The following OR7A17 variants were observed in gnomAD, a reference collection of about 807,000 sequenced individuals.
The protein encoded by OR7A17 is olfactory receptor 7A17.
For missense variants in OR7A17, 366 were observed against 365.5 expected (o/e 1.00, Z -0.01); for synonymous variants, 159 against 142.1 (o/e 1.12, Z -0.85).
At chr19:14,883,404 C>T (rs1400090034) in intron 1 of OR7A17, among the ~76,000 whole-genome samples, 1 of 151,594 alleles carries the variant, frequency 6.6e-6, no homozygotes, top group Non-Finnish European at 1.5e-5. Flanking sequence ...TGTGCCATTG[C>T]ACTCCAGCCT....
At chr19:14,883,180 C>G (rs2045120502) in intron 1 of OR7A17, among the ~76,000 whole-genome samples, 1 of 152,206 alleles carries the variant, frequency 6.6e-6, no homozygotes, top group Non-Finnish European at 1.5e-5. Flanking sequence ...TGGCTCACGC[C>G]TCTAATTCCA....
chr19:14,880,534 G>C lies in OR7A17; in HGVS notation c.822C>G (p.Ala274=). ...ATHNSHTSAT[A]SVMYTVATPM... ...GGGTGGCCACAGTGTACATCACTGA[G>C]GCTGTTGCACTTGTGTGTGAGTTGT... is the stretch of plus-strand genomic sequence containing the variant. Residue 274 remains alanine, a synonymous_variant, in exon 3 of 3, where the codon GCC becomes GCG. Coordinates refer to ENST00000641113, the MANE Select transcript of OR7A17 (RefSeq NM_030901.2). 2.5e-6 allele frequency: 4 copies of C among 1,614,174 alleles called. No homozygotes were observed. The highest frequency in any genetic ancestry group is 3.4e-6 in the Non-Finnish European group (4 of 1,180,028).
chr19:14,881,772 A>G lies in OR7A17; in HGVS notation c.-197+2T>C, dbSNP rs2045113731. 1 of 152,544 alleles carries G rather than the reference A, an allele frequency of 6.6e-6. No individual in the cohort carries two copies. The highest frequency in any genetic ancestry group is 1.5e-5 in the Non-Finnish European group (1 of 68,330). The allele number at this position is 152,544 out of a possible 1,614,324, so 9.4% of individuals were successfully genotyped here. A position where few individuals can be genotyped will look rare whatever the true frequency, so the allele number is the denominator to read the frequency against. ...AATCTAGCCAATTAACATTAGTATT[A>G]CCTCATATAGTCATCATTCTTGTGG... On this transcript the variant is annotated splice_donor_variant, in intron 2 of 2. Coordinates refer to ENST00000641113, the MANE Select transcript of OR7A17 (RefSeq NM_030901.2). LOFTEE classifies it low-confidence loss of function (5UTR_SPLICE).
Position 14,881,366 on chromosome 19 carries a change from C to A in OR7A17, c.-11G>T. ...ATTCTCTGGTTCCATCTTTTTTTTTCTATTTATTTATTTATTTATTTATTT... is the reference window on the plus strand; with the variant it reads ...ATTCTCTGGTTCCATCTTTTTTTTTATATTTATTTATTTATTTATTTATTT... On this transcript the variant is annotated 5_prime_UTR_variant, in exon 3 of 3. Coordinates refer to ENST00000641113, the MANE Select transcript of OR7A17 (RefSeq NM_030901.2). The A allele has an allele frequency of 9.8e-7, 1 of 1,017,528 alleles. No individual in the cohort carries two copies. The highest frequency in any genetic ancestry group is 1.3e-6 in the Non-Finnish European group (1 of 778,162). 63.0% of individuals were successfully genotyped at this position (1,017,528 alleles called of 1,614,324 possible). A position where few individuals can be genotyped will look rare whatever the true frequency, so the allele number is the denominator to read the frequency against.
intron 1 of OR7A17, among the ~76,000 whole-genome samples, chr19:14,883,221 A>G (rs1340080553): frequency 3.9e-5 from 6 of 152,084 alleles, no homozygotes; most frequent in East Asian, 1.9e-4. Context: ...GGGTAGATCA[A>G]TTGTGGTCAG....
chr19:14,884,364 G>A (rs1002309028), intron 1 of OR7A17, among the ~76,000 whole-genome samples: 1 of 152,140 alleles, frequency 6.6e-6, no homozygotes, highest in Non-Finnish European at 1.5e-5. Context: ...GGCTGAGTAG[G>A]GAGGTCACCT....
intron 1 of OR7A17, among the ~76,000 whole-genome samples, chr19:14,882,827 T>C (rs758344544): frequency 2.0e-5 from 3 of 152,152 alleles, no homozygotes; most frequent in Admixed American, 6.5e-5. Flanking sequence ...ACACACACAT[T>C]GCCTACATGC....
chr19:14,878,438 A>G lies in OR7A17; in HGVS notation c.*1988T>C, dbSNP rs2045089955. The G allele has an allele frequency of 6.6e-6, 1 of 152,246 alleles. No individual in the cohort carries two copies. Among genetic ancestry groups the G allele is most frequent in the African/African-American group, 2.4e-5 (1 of 41,472 alleles). The allele number at this position is 152,246 out of a possible 1,614,324, so 9.4% of individuals were successfully genotyped here. A position where few individuals can be genotyped will look rare whatever the true frequency, so the allele number is the denominator to read the frequency against. ...ATACACACATTGTTCACTTACCTAC[A>G]TTTTAATGGCTAAGACACAATATTT... On this transcript the variant is annotated 3_prime_UTR_variant, in exon 3 of 3. Coordinates refer to ENST00000641113, the MANE Select transcript of OR7A17 (RefSeq NM_030901.2).
Position 14,880,932 on chromosome 19 carries a change from C to T in OR7A17, c.424G>A (p.Gly142Arg). 6.2e-7 allele frequency: 1 copy of T among 1,614,066 alleles called. No homozygotes were observed. The highest frequency in any genetic ancestry group is 1.1e-5 in the South Asian group (1 of 91,056). Residue 142 changes from glycine to arginine, a missense_variant, in exon 3 of 3, where the codon GGA (glycine) becomes AGA (arginine). Coordinates refer to ENST00000641113, the MANE Select transcript of OR7A17 (RefSeq NM_030901.2). ...ATCCAGGATGCCAGAACCAGGAGTCCACAGAGCCGAGGGTTCATGATGACT... is the reference window on the plus strand; with the variant it reads ...ATCCAGGATGCCAGAACCAGGAGTCTACAGAGCCGAGGGTTCATGATGACT... ...YTVIMNPRLCGLLVLASWMIA... is the reference protein window; with the variant it reads ...YTVIMNPRLCRLLVLASWMIA...
At chr19:14,882,548 GT>G (rs2040338859) in intron 1 of OR7A17, among the ~76,000 whole-genome samples, 1 of 152,226 alleles carries the variant, frequency 6.6e-6, no homozygotes, top group Non-Finnish European at 1.5e-5. Context: ...ATGAGAGATG[GT>G]TTCAGAAGAT....
Position 14,881,126 on chromosome 19 carries a change from G to A in OR7A17, c.230C>T (p.Thr77Ile), listed in dbSNP as rs2045107816. 1 of 1,614,190 alleles carries A rather than the reference G, an allele frequency of 6.2e-7. No homozygotes were observed. The highest frequency in any genetic ancestry group is 8.5e-7 in the Non-Finnish European group (1 of 1,180,018). Reference protein sequence around the residue: ...SFADICFISTTIPKMLINIQT... With the variant: ...SFADICFISTIIPKMLINIQT... ...GATGTTAATGAGCATCTTTGGGATT[G>A]TAGTGGAGATGAAACAGATGTCTGC... The change falls in exon 3 of 3, where the codon ACA becomes ATA. Residue 77 changes from threonine (T) to isoleucine (I), a missense_variant. Transcript: ENST00000641113.
chr19:14,882,187 T>C (rs375340339), intron 1 of OR7A17, among the ~76,000 whole-genome samples: 2 of 151,814 alleles, frequency 1.3e-5, no homozygotes, highest in African/African-American at 4.8e-5. Flanking sequence ...AAAAAATGAG[T>C]TGATGTTCAG....
At chr19:14,882,811 G>A (rs948668842) in intron 1 of OR7A17, among the ~76,000 whole-genome samples, 5 of 151,802 alleles carry the variant, frequency 3.3e-5, no homozygotes, top group Admixed American at 6.6e-5. Context: ...GTGCGCGCAC[G>A]CACACACACA....
chr19:14,880,888 G>C lies in OR7A17; in HGVS notation c.468C>G (p.Ser156=), dbSNP rs781365261. The change falls in exon 3 of 3, where the codon TCC becomes TCG. Residue 156 remains serine (S), a synonymous_variant. Coordinates refer to ENST00000641113, the MANE Select transcript of OR7A17 (RefSeq NM_030901.2). The part of the protein sequence containing the change: ...LASWMIAALN[S]LSQSLMVLWL... ...ACAATACCATTAAGCTTTGTGACAA[G>C]GAATTCAGGGCAGCAATCATCCAGG... 6.2e-7 allele frequency: 1 copy of C among 1,614,206 alleles called. No homozygotes were observed.
At chr19:14,884,176 T>C (rs1351091449) in intron 1 of OR7A17, among the ~76,000 whole-genome samples, 5 of 152,208 alleles carry the variant, frequency 3.3e-5, no homozygotes, top group African/African-American at 1.2e-4. Flanking sequence ...TATAAGATCT[T>C]AGTGTAGACA....
Sources: gnomAD v4.1 joint callset for allele counts (sites outside exome capture counted in the v4.1 genomes callset) on GRCh38, gnomAD v4.1.1 for gene constraint, MANE v1.5 for transcripts, NCBI Gene and HGNC (gene_info 2026-07-23, HGNC 2026-07-21) for gene names.